Variants in FAM120B observed in about 807,000 individuals in gnomAD.
FAM120B encodes constitutive coactivator of peroxisome proliferator-activated receptor gamma.
Under a neutral mutation model 96.3 loss-of-function variants are expected in FAM120B, and 83 were observed. That is an observed-to-expected ratio of 0.86 (90% CI 0.72 to 1.03). FAM120B has a LOEUF of 1.03. FAM120B is among the 50% of genes least tolerant of loss of function. The pLI is 0.00. For missense variants in FAM120B, 1,027 were observed against 1,121.2 expected, an observed-to-expected ratio of 0.92 and a Z score of 1.20; for synonymous variants, 407 against 402.7, an observed-to-expected ratio of 1.01 and a Z score of -0.13.
chr6:170,292,245 T>G (rs907500836), upstream of FAM120B, among the ~76,000 whole-genome samples: 10 of 152,216 alleles, frequency 6.6e-5, no homozygotes, highest in African/African-American at 2.4e-4. This position sits in a 1 kb window ranked among gnomAD's most constrained non-coding sequence, Gnocchi z 6.6. Context: ...GTTTTCATTT[T>G]TTAAAGGGAA....
At chr6:170,352,099 A>G (rs1484296303) in intron 5 of FAM120B, among the ~76,000 whole-genome samples, 2 of 152,232 alleles carry the variant, frequency 1.3e-5, no homozygotes, top group Non-Finnish European at 2.9e-5. Context: ...AAGAAAATTT[A>G]CCAAGCAAAT....
rs1313152160 is a variant in FAM120B, at chr6:170,323,175, C to A, written c.1831C>A (p.Leu611Ile). ...IECSNTLEDE[L>I]DQALPSQAFI... ...ATGCAGCAACACCCTAGAAGATGAG[C>A]TTGACCAGGCCTTACCCAGCCAGGC... The change falls in exon 3 of 11, where the codon CTT becomes ATT. Residue 611 changes from leucine to isoleucine, a missense_variant. Transcript: ENST00000476287. 6.2e-7 allele frequency: 1 copy of A among 1,614,140 alleles called. No individual in the cohort carries two copies.
intron 9 of FAM120B, 198 bp from the exon 10 acceptor site, chr6:170,404,348 CTTAA>C (rs1398606719): frequency 3.1e-5 from 16 of 523,776 alleles, no homozygotes; most frequent in East Asian, 9.3e-5. Context: ...CCACGAACCT[CTTAA>C]TTAATTGCTT....
At chr6:170,326,233 C>A (rs1458003999) in intron 3 of FAM120B, among the ~76,000 whole-genome samples, 2 of 152,124 alleles carry the variant, frequency 1.3e-5, no homozygotes, top group East Asian at 3.9e-4. Context: ...AAACTGCAGA[C>A]CTTATTCAGT....
At chr6:170,391,820 A>G (rs1032599786) in intron 8 of FAM120B, among the ~76,000 whole-genome samples, 15 of 152,240 alleles carry the variant, frequency 9.9e-5, no homozygotes, top group Admixed American at 4.6e-4. Context: ...ATTCTATCAC[A>G]TAAAGACAAC....
chr6:170,347,320 C>T (rs992226992), intron 4 of FAM120B, among the ~76,000 whole-genome samples: 1 of 152,150 alleles, frequency 6.6e-6, no homozygotes, highest in Admixed American at 6.5e-5. Flanking sequence ...GACATCTCAG[C>T]AGTCACAGAT....
Position 170,319,059 on chromosome 6 carries a change from C to T in FAM120B, c.1669C>T (p.Pro557Ser). ...AAACCCTGAAATTAAACAAGAAGAC[C>T]CCACAAATGTGGGGCCTGAAGTAAA... ...CTNPEIKQED[P>S]TNVGPEVKQQ... is the part of the protein sequence containing the mutation. Residue 557 changes from proline (P) to serine (S), a missense_variant, in exon 2 of 11, where the codon CCC becomes TCC. Physicochemically the swap from Pro to Ser is moderately conservative, Grantham distance 74. This residue lies in a region of FAM120B where 880 missense variants were observed against 980.9 expected (regional missense o/e 0.90). Coordinates refer to ENST00000476287, the MANE Select transcript of FAM120B (RefSeq NM_032448.3). 6.3e-7 allele frequency: 1 copy of T among 1,599,944 alleles called. No homozygotes were observed. The highest frequency in any genetic ancestry group is 1.3e-5 in the African/African-American group (1 of 74,232).
chr6:170,361,239 CGTATATATATATATACGT>C (rs1788425323), intron 6 of FAM120B, among the ~76,000 whole-genome samples: 1 of 58,788 alleles, frequency 1.7e-5, no homozygotes, highest in Admixed American at 1.9e-4. Context: ...TATATATACA[CGTATATATATATATACGT>C]GTATATATAT....
intron 3 of FAM120B, 32 bp from the exon 4 acceptor site, chr6:170,330,417 A>G (rs776551753): frequency 2.6e-5 from 41 of 1,556,804 alleles, no homozygotes; most frequent in Non-Finnish European, 3.0e-5. Context: ...GCATGCCCTC[A>G]TGCATCTACT....
chr6:170,313,042 A>G (rs1784684788), intron 1 of FAM120B, among the ~76,000 whole-genome samples: 1 of 152,166 alleles, frequency 6.6e-6, no homozygotes, highest in South Asian at 2.1e-4. Context: ...TCAAGATGAG[A>G]GTCTTTATCG....
At chr6:170,333,295 G>A (rs1057100806) in intron 4 of FAM120B, among the ~76,000 whole-genome samples, 15 of 151,910 alleles carry the variant, frequency 9.9e-5, no homozygotes, top group Non-Finnish European at 1.5e-4. Context: ...CCCTTCTTCC[G>A]TGTGAAGGTG....
intron 8 of FAM120B, among the ~76,000 whole-genome samples, chr6:170,394,872 C>T (rs976478840): frequency 1.3e-5 from 2 of 152,248 alleles, no homozygotes; most frequent in African/African-American, 2.4e-5. Flanking sequence ...GCTTCCAGTG[C>T]ACCTGTGGAG....
Position 170,318,970 on chromosome 6 carries a change from A to T in FAM120B, c.1580A>T (p.Glu527Val). 1 of 1,614,208 alleles carries T rather than the reference A, an allele frequency of 6.2e-7. No homozygotes were observed. Among genetic ancestry groups the T allele is most frequent in the Non-Finnish European group, 8.5e-7 (1 of 1,180,020 alleles). Residue 527 changes from glutamate to valine, a missense_variant, in exon 2 of 11, where the codon GAA becomes GTA. Coordinates refer to ENST00000476287, the MANE Select transcript of FAM120B (RefSeq NM_032448.3). ...GAAGACTCCATGTGTACACACGCTG[A>T]AATCAATCAAAAATTACCTGTAGCA... ...KQEDSMCTHAEINQKLPVATD... is the reference protein window; with the variant it reads ...KQEDSMCTHAVINQKLPVATD...
At chr6:170,391,257 G>A (rs1382438075) in intron 8 of FAM120B, 136 bp downstream of exon 8, 34 of 683,130 alleles carry the variant, frequency 5.0e-5, no homozygotes, top group African/African-American at 1.1e-4. Flanking sequence ...TGATAGGGCC[G>A]GGTGCGGTGG....
rs537564707 is a variant in FAM120B at position 170,363,300 on chromosome 6, A to G, written c.2283+4982A>G. 7.2e-4 allele frequency among the ~76,000 whole-genome samples: 109 copies of G among 152,302 alleles called. No individual in the cohort carries two copies. Among genetic ancestry groups the G allele is most frequent in the African/African-American group, 2.5e-3 (104 of 41,566 alleles). Reference sequence around the variant, plus strand: ...TTGGTTGGAAAATTAAAAGGAAAAGATGTGAGTTGATGAAAGATAAAATTT... The same window carrying G: ...TTGGTTGGAAAATTAAAAGGAAAAGGTGTGAGTTGATGAAAGATAAAATTT... On this transcript the variant is annotated intron_variant, in intron 6 of 10. Transcript: ENST00000476287. This position sits in a 1 kb window ranked among gnomAD's most constrained non-coding sequence, Gnocchi z 4.5.
At chr6:170,292,486 C>T (rs1783906834), upstream of FAM120B, among the ~76,000 whole-genome samples, 1 of 152,162 alleles carries the variant, frequency 6.6e-6, no homozygotes, top group South Asian at 2.1e-4. This position sits in a 1 kb window ranked among gnomAD's most constrained non-coding sequence, Gnocchi z 6.6. Flanking sequence ...TTGATTGTAG[C>T]TCAGCCCCAA....
At chr6:170,302,993 T>A (rs1383257182), upstream of FAM120B, among the ~76,000 whole-genome samples, 1 of 152,252 alleles carries the variant, frequency 6.6e-6, no homozygotes, top group Non-Finnish European at 1.5e-5. Flanking sequence ...GCTTCAAGAT[T>A]TAGACAGATT....
Position 170,395,541 on chromosome 6 carries a change from G to A in FAM120B, c.2654G>A (p.Arg885His), listed in dbSNP as rs767193467. The change falls in exon 9 of 11, where the codon CGT becomes CAT. Residue 885 changes from arginine (R) to histidine (H), a missense_variant. Arg to His is a conservative substitution (Grantham distance 29, BLOSUM62 0). Around this residue, in one of 3 missense-constraint regions of FAM120B, gnomAD observed 142 missense variants for 122.5 expected, o/e 1.16. Transcript: ENST00000476287. ...SYHRTGSGYS[R>H]SSQGQPWRDQ... Reference sequence around the variant, plus strand: ...CACAGGACGGGCTCTGGGTATAGCCGTTCCAGTCAGGGACAGCCGTGGAGA... The same window carrying A: ...CACAGGACGGGCTCTGGGTATAGCCATTCCAGTCAGGGACAGCCGTGGAGA... 88 of 1,599,920 alleles carry A rather than the reference G, an allele frequency of 5.5e-5. No individual in the cohort carries two copies. The highest frequency in any genetic ancestry group is 3.3e-4 in the Middle Eastern group (2 of 6,066).
At position 170,377,090 on chromosome 6, in the gene FAM120B, G is replaced by T. The variant is rs1432075938; in HGVS notation, c.2284-11197G>T. The stretch of plus-strand genomic sequence containing the variant: ...GGGAGAACACAGGCTCACGCTGCTC[G>T]GTGCTGTGCACACGCGTCCCTAATC... On this transcript the variant is annotated intron_variant, in intron 6 of 10. Coordinates refer to ENST00000476287, the MANE Select transcript of FAM120B (RefSeq NM_032448.3). 4.3e-4 allele frequency among the ~76,000 whole-genome samples: 53 copies of T among 123,298 alleles called. 3 individuals carry two copies. The highest frequency in any genetic ancestry group is 1.3e-3 in the African/African-American group (40 of 30,884). The allele number at this position is 123,298 out of a possible 152,430, so 80.9% of individuals were successfully genotyped here. A position where few individuals can be genotyped will look rare whatever the true frequency, so the allele number is the denominator to read the frequency against.
Sources: gnomAD v4.1 joint callset for allele counts (sites outside exome capture counted in the v4.1 genomes callset) on GRCh38, gnomAD v4.1.1 for gene constraint, gnomAD v4.1.1 regional missense constraint, Gnocchi (gnomAD v3.1) non-coding constraint, MANE v1.5 for transcripts, NCBI Gene and HGNC (gene_info 2026-07-23, HGNC 2026-07-21) for gene names.